Variants in KIF26B observed in about 807,000 individuals in gnomAD.
KIF26B encodes the protein kinesin-like protein KIF26B.
In KIF26B, 63 loss-of-function variants were observed where a neutral mutation model predicts 151.2. The observed-to-expected ratio is 0.42, with a 90% CI of 0.34 to 0.51. KIF26B has a LOEUF of 0.51. Among genes scored for constraint, KIF26B ranks in the 20% least tolerant of loss-of-function variants. The pLI is 0.07. For synonymous variants in KIF26B, 1,357 were observed against 1,262.1 expected (o/e 1.08, Z -1.59); for missense variants, 2,813 against 2,913.6 (o/e 0.97, Z 0.79).
At chr1:245,661,481 A>G (rs920603638) in intron 10 of KIF26B, among the ~76,000 whole-genome samples, 1 of 151,852 alleles carries the variant, frequency 6.6e-6, no homozygotes, top group African/African-American at 2.4e-5. Context: ...ATACACTCAC[A>G]TATATATGTA....
intron 9 of KIF26B, among the ~76,000 whole-genome samples, chr1:245,620,778 A>C (rs1328707780): frequency 2.6e-5 from 4 of 152,172 alleles, no homozygotes; most frequent in Non-Finnish European, 5.9e-5. Flanking sequence ...TCTCTTTACA[A>C]AATCATTTCA....
Position 245,612,006 on chromosome 1 carries a change from C to T in KIF26B, c.2098+30C>T, listed in dbSNP as rs564312910. 6 of 1,603,376 alleles carry T rather than the reference C, an allele frequency of 3.7e-6. No homozygotes were observed. In the Admixed American group the frequency reaches 8.4e-5, roughly 22 times the overall value. ...GTCGGCCACTCCACCCTCCTGCCTC[C>T]TTAGCGGCTCTGGCCCCAGCCAGAA... On this transcript the variant is annotated intron_variant, in intron 9 of 14. Transcript: ENST00000407071.
At chr1:245,574,451 T>C (rs567231253) in intron 5 of KIF26B, among the ~76,000 whole-genome samples, 1 of 152,240 alleles carries the variant, frequency 6.6e-6, no homozygotes, top group Non-Finnish European at 1.5e-5. Context: ...ACCGAGACCA[T>C]TTAATTTGAA....
chr1:245,335,338 C>T (rs1049511850), intron 2 of KIF26B, among the ~76,000 whole-genome samples: 3 of 152,156 alleles, frequency 2.0e-5, no homozygotes, highest in African/African-American at 7.2e-5. Context: ...GCCTGGCATC[C>T]CAGGCTCCTG....
chr1:245,246,924 GAC>G (rs2103563044), intron 2 of KIF26B, among the ~76,000 whole-genome samples: 1 of 141,944 alleles, frequency 7.0e-6, no homozygotes, highest in South Asian at 2.3e-4. Context: ...GACACACACA[GAC>G]ACAGACACAC....
intron 5 of KIF26B, among the ~76,000 whole-genome samples, chr1:245,559,173 C>T (rs1256417817): frequency 6.6e-6 from 1 of 152,082 alleles, no homozygotes; most frequent in African/African-American, 2.4e-5. Flanking sequence ...AGGGAGACCC[C>T]ATCTCTACAG....
intron 10 of KIF26B, among the ~76,000 whole-genome samples, chr1:245,661,616 TAC>T (rs1168173737): frequency 6.6e-6 from 1 of 150,498 alleles, no homozygotes; most frequent in African/African-American, 2.5e-5. Flanking sequence ...GATATATATA[TAC>T]ACACACACCC....
In KIF26B at chr1:245,223,195, G is replaced by C. The variant is rs73127155; in HGVS notation, c.465+66512G>C. On this transcript the variant is annotated intron_variant, in intron 2 of 14. Coordinates refer to ENST00000407071, the MANE Select transcript of KIF26B (RefSeq NM_018012.4). The stretch of plus-strand genomic sequence containing the variant: ...CACCACAGAGAATCAGCTAGCCCCA[G>C]ATTGCAGCAGTGCTGAAGCTGAGAA... Among the ~76,000 whole-genome samples, 473 of 152,264 alleles carry C rather than the reference G, an allele frequency of 3.1e-3. 2 individuals are homozygous for C. The highest frequency in any genetic ancestry group is 0.011 in the African/African-American group (461 of 41,550).
intron 2 of KIF26B, among the ~76,000 whole-genome samples, chr1:245,183,343 CT>C (rs1233177282): frequency 3.9e-5 from 6 of 152,138 alleles, no homozygotes; most frequent in African/African-American, 1.4e-4. Flanking sequence ...TCTTTTATTG[CT>C]TTTGGTATCT....
At chr1:245,548,851 C>T (rs1184328343) in intron 5 of KIF26B, among the ~76,000 whole-genome samples, 2 of 151,860 alleles carry the variant, frequency 1.3e-5, no homozygotes, top group Non-Finnish European at 2.9e-5. Context: ...TCAAGCAATT[C>T]TCCTGCCTCA....
At chr1:245,362,763 G>A (rs533993601) in intron 2 of KIF26B, among the ~76,000 whole-genome samples, 8 of 151,886 alleles carry the variant, frequency 5.3e-5, no homozygotes, top group African/African-American at 1.4e-4. Context: ...CGTGAGCCAC[G>A]GTGCTCCACC....
intron 2 of KIF26B, among the ~76,000 whole-genome samples, chr1:245,157,967 G>A (rs1668473489): frequency 6.6e-6 from 1 of 152,226 alleles, no homozygotes; most frequent in African/African-American, 2.4e-5. Flanking sequence ...GTCCATTCAT[G>A]CAGTCCTTGT....
At chr1:245,312,494 C>A (rs1384337919) in intron 2 of KIF26B, among the ~76,000 whole-genome samples, 1 of 151,634 alleles carries the variant, frequency 6.6e-6, no homozygotes, top group African/African-American at 2.4e-5. Flanking sequence ...AATTCTAATT[C>A]ATTCCTTTTC....
intron 2 of KIF26B, among the ~76,000 whole-genome samples, chr1:245,222,055 C>T (rs892814306): frequency 6.6e-6 from 1 of 152,234 alleles, no homozygotes; most frequent in African/African-American, 2.4e-5. Flanking sequence ...AGAGTACATT[C>T]TCAGTTCTTT....
intron 10 of KIF26B, among the ~76,000 whole-genome samples, chr1:245,674,479 G>A (rs531315571): frequency 3.3e-5 from 5 of 152,242 alleles, no homozygotes; most frequent in African/African-American, 9.6e-5. Flanking sequence ...TCTTATTACC[G>A]AATCTTTCAG....
At chr1:245,622,098 G>A (rs980446486) in intron 9 of KIF26B, among the ~76,000 whole-genome samples, 5 of 137,340 alleles carry the variant, frequency 3.6e-5, no homozygotes, top group African/African-American at 9.8e-5. Flanking sequence ...ATATAATTAG[G>A]CTGCAAAACA....
chr1:245,683,546 G>A (rs538573449), intron 10 of KIF26B, among the ~76,000 whole-genome samples: 4 of 152,254 alleles, frequency 2.6e-5, no homozygotes, highest in South Asian at 4.1e-4. Flanking sequence ...CAGTGGCCCC[G>A]CACAGCACCT....
intron 4 of KIF26B, among the ~76,000 whole-genome samples, chr1:245,487,308 T>C (rs970119485): frequency 6.6e-6 from 1 of 152,196 alleles, no homozygotes; most frequent in Non-Finnish European, 1.5e-5. Context: ...GGACCAACTA[T>C]ATCATTTGCA....
At chr1:245,567,000 G>A (rs1365229624) in intron 5 of KIF26B, among the ~76,000 whole-genome samples, 3 of 152,064 alleles carry the variant, frequency 2.0e-5, no homozygotes, top group African/African-American at 7.2e-5. Context: ...CCAAAAGCAC[G>A]GGCTTAAACT....
Sources: gnomAD v4.1 joint callset for allele counts (sites outside exome capture counted in the v4.1 genomes callset) on GRCh38, gnomAD v4.1.1 for gene constraint, MANE v1.5 for transcripts, NCBI Gene and HGNC (gene_info 2026-07-23, HGNC 2026-07-21) for gene names.